The following LY75 variants were observed in gnomAD, a reference collection of about 807,000 sequenced individuals.
The protein encoded by LY75 is lymphocyte antigen 75.
LY75 carries 185 observed loss-of-function variants against 231.7 expected under a neutral mutation model. The observed-to-expected ratio is 0.80, with a 90% CI of 0.71 to 0.90. The LOEUF is 0.90. Among genes scored for constraint, LY75 ranks in the 40% least tolerant of loss-of-function variants. The probability of loss-of-function intolerance (pLI) is 0.00; values close to 1 mark genes in which losing one functional copy is unlikely to be tolerated. For missense variants in LY75, 1,947 were observed against 2,050.2 expected, an observed-to-expected ratio of 0.95 and a Z score of 0.97; for synonymous variants, 668 against 689.0, an observed-to-expected ratio of 0.97 and a Z score of 0.48.
At chr2:159,811,140 G>A (rs1682947664) in intron 31 of LY75, among the ~76,000 whole-genome samples, 1 of 151,718 alleles carries the variant, frequency 6.6e-6, no homozygotes, top group Non-Finnish European at 1.5e-5. Context: ...CTCCCAAAGT[G>A]CTGGGATTAC....
At position 159,831,931 on chromosome 2, in the gene LY75, A is replaced by C. The variant is rs911400840; in HGVS notation, c.3842-145T>G. The C allele has an allele frequency of 3.2e-5, 21 of 665,324 alleles. No homozygotes were observed. The African/African-American group carries it at 3.4e-4, about 11-fold the overall frequency. The allele number at this position is 665,324 out of a possible 1,614,324, so 41.2% of individuals were successfully genotyped here. ...ACAATTAGAAACATATGTAAAATAA[A>C]ATTATCCCATTGTACTAAAATTAAT... On this transcript the variant is annotated intron_variant, in intron 27 of 34. Transcript: ENST00000263636.
At chr2:159,852,783 A>T (rs982852174) in intron 20 of LY75, among the ~76,000 whole-genome samples, 7 of 152,168 alleles carry the variant, frequency 4.6e-5, no homozygotes, top group African/African-American at 1.2e-4. Context: ...TCTTTCCTAA[A>T]TGCTTAAAAT....
intron 25 of LY75, among the ~76,000 whole-genome samples, chr2:159,837,936 A>G (rs930065145): frequency 6.6e-6 from 1 of 152,164 alleles, no homozygotes; most frequent in Admixed American, 6.5e-5. Context: ...CATGTTTCCA[A>G]GCCTTCTTGA....
intron 1 of LY75, among the ~76,000 whole-genome samples, chr2:159,902,035 T>G (rs1006178140): frequency 6.6e-5 from 10 of 152,248 alleles, no homozygotes; most frequent in African/African-American, 2.2e-4. Flanking sequence ...ACATAATCCC[T>G]TATTTAGAAA....
intron 14 of LY75, among the ~76,000 whole-genome samples, chr2:159,862,356 G>T (rs999702970): frequency 6.6e-6 from 1 of 152,100 alleles, no homozygotes; most frequent in Non-Finnish European, 1.5e-5. Context: ...CTACTGGGGA[G>T]GCTAGGTGGG....
Position 159,834,155 on chromosome 2 carries a change from G to T in LY75, c.3730C>A (p.Leu1244Ile). The T allele has an allele frequency of 6.2e-7, 1 of 1,614,022 alleles. No individual in the cohort carries two copies. The highest frequency in any genetic ancestry group is 1.1e-5 in the South Asian group (1 of 91,072). The change falls in exon 27 of 35, where the codon CTA (leucine) becomes ATA (isoleucine). Residue 1244 changes from leucine (L) to isoleucine (I), a missense_variant. Coordinates refer to ENST00000263636, the MANE Select transcript of LY75 (RefSeq NM_002349.4). ...VDSVKCPSPV[L>I]NTPWIPFQNC... is the part of the protein sequence containing the mutation. ...TGAAATGGTATCCACGGAGTATTTA[G>T]AACAGGAGATGGACATTTAACACTG... is the stretch of plus-strand genomic sequence containing the variant.
intron 28 of LY75, among the ~76,000 whole-genome samples, chr2:159,820,332 G>C (rs1311493777): frequency 6.6e-6 from 1 of 152,164 alleles, no homozygotes; most frequent in Non-Finnish European, 1.5e-5. Context: ...TGGTATATAT[G>C]TACCATGGAA....
At chr2:159,852,136 G>A in intron 21 of LY75, 65 bp downstream of exon 21, 1 of 1,582,704 alleles carries the variant, frequency 6.3e-7, no homozygotes, top group Non-Finnish European at 8.6e-7. Context: ...TTGCCATTCT[G>A]CCATAGGCTA....
chr2:159,842,587 A>C (rs60682930), intron 23 of LY75, among the ~76,000 whole-genome samples: 22,618 of 152,116 alleles, frequency 0.15, 1,980 homozygotes, highest in East Asian at 0.34. Context: ...GGCAATCTTG[A>C]TAAACATATT....
intron 14 of LY75, among the ~76,000 whole-genome samples, chr2:159,864,603 C>T (rs1684804895): frequency 1.3e-5 from 2 of 152,062 alleles, no homozygotes; most frequent in African/African-American, 4.8e-5. Flanking sequence ...GTCTAAGTGT[C>T]TGTTTTTATG....
In LY75 at chr2:159,886,481, G is replaced by A; in HGVS notation, c.852C>T (p.Tyr284=). The change falls in exon 5 of 35, where the codon TAC becomes TAT. Residue 284 remains tyrosine (Y), a synonymous_variant. Transcript: ENST00000263636. The stretch of plus-strand genomic sequence containing the variant: ...CTGACCATTCCCAGCCTCTAGCAGA[G>A]TATAGCTGATTTAAACCAATCCAGA... ...KIFWIGLNQL[Y]SARGWEWSDH... is the part of the protein sequence containing the mutation. 6.2e-7 allele frequency: 1 copy of A among 1,610,984 alleles called. No individual in the cohort carries two copies. Among genetic ancestry groups the A allele is most frequent in the South Asian group, 1.1e-5 (1 of 90,884 alleles).
At chr2:159,849,406 G>A (rs575279727) in intron 23 of LY75, among the ~76,000 whole-genome samples, 2 of 152,158 alleles carry the variant, frequency 1.3e-5, no homozygotes, top group East Asian at 1.9e-4. Flanking sequence ...TTAGCTCTTG[G>A]GGAAAAATGA....
chr2:159,898,480 A>C (rs1452346275), intron 2 of LY75, among the ~76,000 whole-genome samples: 8 of 152,174 alleles, frequency 5.3e-5, no homozygotes, highest in African/African-American at 9.7e-5. Flanking sequence ...AAGGCACTTT[A>C]TCTCTCTTAG....
At chr2:159,829,461 C>A in intron 28 of LY75, among the ~76,000 whole-genome samples, 1 of 152,110 alleles carries the variant, frequency 6.6e-6, no homozygotes. Flanking sequence ...ATTCATGGCC[C>A]TGCTATTGAA....
In LY75 at chr2:159,848,070, A is replaced by G. The variant is rs576528812; in HGVS notation, c.3150+1910T>C. ...AATGGATAAAGAAATTATGGTGTGT[A>G]TATATATATATATATATATATATAC... On this transcript the variant is annotated intron_variant, in intron 23 of 34. Transcript: ENST00000263636. Among the ~76,000 whole-genome samples the G allele has an allele frequency of 2.9e-4, 33 of 114,760 alleles. 1 individual carries two copies. In the East Asian group the frequency reaches 4.0e-3, roughly 14 times the overall value. The allele number at this position is 114,760 out of a possible 152,430, so 75.3% of individuals were successfully genotyped here. A position where few individuals can be genotyped will look rare whatever the true frequency, so the allele number is the denominator to read the frequency against.
At chr2:159,858,927 A>G (rs1186726032) in intron 15 of LY75, among the ~76,000 whole-genome samples, 1 of 152,218 alleles carries the variant, frequency 6.6e-6, no homozygotes, top group Non-Finnish European at 1.5e-5. Flanking sequence ...CAAGTAGGAT[A>G]AAAAGGATAG....
chr2:159,840,990 C>T (rs1317323601), intron 24 of LY75, 35 bp from the exon 25 acceptor site: 2 of 1,606,834 alleles, frequency 1.2e-6, no homozygotes, highest in Admixed American at 3.3e-5. Context: ...AACAACAAAC[C>T]CTTCCCCACA....
At chr2:159,902,587 A>G (rs1007808992) in intron 1 of LY75, 3 of 152,252 alleles carry the variant, frequency 2.0e-5, no homozygotes, top group African/African-American at 7.2e-5. Flanking sequence ...AGATGGCAGC[A>G]TTTATAATTT....
At chr2:159,876,461 A>C (rs755511333) in intron 11 of LY75, among the ~76,000 whole-genome samples, 4 of 152,216 alleles carry the variant, frequency 2.6e-5, no homozygotes, top group Non-Finnish European at 4.4e-5. Flanking sequence ...AAGAGGAATA[A>C]GAAACTGGGA....
Sources: allele counts gnomAD v4.1 joint callset (sites outside exome capture counted in the v4.1 genomes callset), GRCh38; gene constraint gnomAD v4.1.1; transcripts MANE v1.5; gene names NCBI Gene and HGNC (gene_info 2026-07-23, HGNC 2026-07-21).